TMC2: variants seen among roughly 807,000 people sequenced by gnomAD.
TMC2 encodes the protein transmembrane channel-like protein 2.
In TMC2, 102 loss-of-function variants were observed where a neutral mutation model predicts 105.9. That is an observed-to-expected ratio of 0.96 (90% CI 0.82 to 1.14). The LOEUF (loss-of-function observed/expected upper bound fraction) is 1.14. Among genes scored for constraint, TMC2 ranks in the 50% most tolerant of loss-of-function variants. The pLI, the probability that TMC2 is intolerant of heterozygous loss-of-function variation, is 0.00. For missense variants in TMC2, 1,093 were observed against 1,134.3 expected (o/e 0.96, Z 0.52); for synonymous variants, 402 against 422.8 (o/e 0.95, Z 0.60).
chr20:2,581,526 G>A (rs61698505), intron 7 of TMC2, among the ~76,000 whole-genome samples: 3,094 of 152,290 alleles, frequency 0.02, 115 homozygotes, highest in African/African-American at 0.071. Context: ...GGAAAATATT[G>A]TCAAAAGCTA....
intron 17 of TMC2, among the ~76,000 whole-genome samples, chr20:2,632,448 A>G (rs1180762205): frequency 6.6e-6 from 1 of 152,160 alleles, no homozygotes; most frequent in Non-Finnish European, 1.5e-5. Context: ...ATCATATTTA[A>G]CATAACTGAT....
rs114396252 is a variant in TMC2, at chr20:2,604,122, G to A, written c.1413+1821G>A. On this transcript the variant is annotated intron_variant, in intron 11 of 19. Coordinates refer to ENST00000358864, the MANE Select transcript of TMC2 (RefSeq NM_080751.3). ...GCACTGGCCAGCAGAAGTGGGCATC[G>A]CTGTTTCTCTCTTGCAGAGCTTCCA... is the stretch of plus-strand genomic sequence containing the variant. Among the ~76,000 whole-genome samples the A allele has an allele frequency of 1.6e-4, 24 of 152,314 alleles. No homozygotes were observed. The South Asian group carries it at 3.7e-3, about 24-fold the overall frequency.
Position 2,558,336 on chromosome 20 carries a change from GC to G in TMC2, c.83-116del, listed in dbSNP as rs1369783923. The G allele has an allele frequency of 1.3e-6, 2 of 1,490,552 alleles. No individual in the cohort carries two copies. Among genetic ancestry groups the G allele is most frequent in the African/African-American group, 2.8e-5 (2 of 71,218 alleles). 92.3% of individuals were successfully genotyped at this position (1,490,552 alleles called of 1,614,324 possible). A position where few individuals can be genotyped will look rare whatever the true frequency, so the allele number is the denominator to read the frequency against. On this transcript the variant is annotated intron_variant, in intron 2 of 19. Coordinates refer to ENST00000358864, the MANE Select transcript of TMC2 (RefSeq NM_080751.3). This position sits in a 1 kb window ranked among gnomAD's most constrained non-coding sequence, Gnocchi z 4.6. ...CATACTTTGGGGTGTCCTGTTCTGA[GC>G]CCCGCAGAGCTCACAAGCTCTCGGA...
At chr20:2,638,064 G>A (rs576418269) in intron 19 of TMC2, among the ~76,000 whole-genome samples, 22 of 152,324 alleles carry the variant, frequency 1.4e-4, no homozygotes, top group African/African-American at 2.2e-4. Flanking sequence ...AGTCTAGGCC[G>A]GGCGTGGTGG....
intron 4 of TMC2, among the ~76,000 whole-genome samples, chr20:2,571,792 G>T (rs1040415914): frequency 5.3e-5 from 8 of 152,252 alleles, no homozygotes; most frequent in Admixed American, 2.0e-4. Flanking sequence ...TTGAGCTCAG[G>T]AGGTCAAGAG....
intron 2 of TMC2, among the ~76,000 whole-genome samples, chr20:2,539,567 T>C (rs1169717393): frequency 6.6e-6 from 1 of 152,194 alleles, no homozygotes; most frequent in Non-Finnish European, 1.5e-5. Flanking sequence ...AGCTGATCTT[T>C]ATGGGACCCC....
rs1172017274 is a variant in TMC2 at position 2,558,600 on chromosome 20, G to T, written c.227G>T (p.Arg76Leu). The T allele has an allele frequency of 1.9e-6, 3 of 1,556,468 alleles. No homozygotes were observed. Among genetic ancestry groups the T allele is most frequent in the East Asian group, 2.4e-5 (1 of 41,546 alleles). The part of the protein sequence containing the change: ...PGSPRRKQTG[R>L]RRHREELGEQ... ...TCTCCCCGGAGGAAGCAAACAGGGC[G>T]CAGGAGACACAGAGAAGAGCTGGGG... Residue 76 changes from arginine (R) to leucine (L), a missense_variant, in exon 3 of 20, where the codon CGC becomes CTC. Arg to Leu is a moderately radical substitution (Grantham distance 102). Coordinates refer to ENST00000358864, the MANE Select transcript of TMC2 (RefSeq NM_080751.3). This position sits in a 1 kb window ranked among gnomAD's most constrained non-coding sequence, Gnocchi z 4.6.
At chr20:2,637,146 T>C (rs2086653623) in intron 18 of TMC2, among the ~76,000 whole-genome samples, 1 of 151,714 alleles carries the variant, frequency 6.6e-6, no homozygotes. Flanking sequence ...CCCAGCACTT[T>C]GTGAGGCCGA....
intron 5 of TMC2, among the ~76,000 whole-genome samples, chr20:2,573,717 C>A (rs538882005): frequency 3.4e-5 from 5 of 147,482 alleles, no homozygotes; most frequent in African/African-American, 1.0e-4. Context: ...CCCGCCACCA[C>A]GCCCGGCTAA....
At chr20:2,565,811 G>A (rs552200629) in intron 4 of TMC2, among the ~76,000 whole-genome samples, 46 of 152,134 alleles carry the variant, frequency 3.0e-4, no homozygotes, top group African/African-American at 9.6e-4. Flanking sequence ...AGGCTGAGGC[G>A]GGCAGATCAC....
chr20:2,572,345 T>A lies in TMC2; in HGVS notation c.645+76T>A. The A allele has an allele frequency of 5.1e-6, 6 of 1,173,488 alleles. No individual in the cohort carries two copies. The South Asian group carries it at 6.3e-5, about 12-fold the overall frequency. The allele number at this position is 1,173,488 out of a possible 1,614,324, so 72.7% of individuals were successfully genotyped here. On this transcript the variant is annotated intron_variant, in intron 5 of 19. Transcript: ENST00000358864. ...GAATCTGGCGACCAACTTCGGCAAC[T>A]GCCCAGCTTCGCCATTTGTGTCCAG...
In TMC2 at chr20:2,580,096, G is replaced by A. The variant is rs144051735; in HGVS notation, c.834+40G>A. The A allele has an allele frequency of 1.1e-5, 14 of 1,257,906 alleles. No individual in the cohort carries two copies. In the East Asian group the frequency reaches 3.3e-4, roughly 30 times the overall value. 77.9% of individuals were successfully genotyped at this position (1,257,906 alleles called of 1,614,324 possible). A position where few individuals can be genotyped will look rare whatever the true frequency, so the allele number is the denominator to read the frequency against. ...TCCTAAATCTTTGGATAGAGTTAAG[G>A]CTTATGACCACCGTCATCAATTATC... On this transcript the variant is annotated intron_variant, in intron 7 of 19. Coordinates refer to ENST00000358864, the MANE Select transcript of TMC2 (RefSeq NM_080751.3).
intron 7 of TMC2, among the ~76,000 whole-genome samples, chr20:2,581,518 A>G (rs1600111520): frequency 6.6e-6 from 1 of 152,202 alleles, no homozygotes; most frequent in Non-Finnish European, 1.5e-5. Context: ...CCCCAGGGGG[A>G]AAATATTGTC....
In TMC2 at chr20:2,616,293, G is replaced by A; in HGVS notation, c.1940+89G>A. 9.5e-7 allele frequency: 1 copy of A among 1,052,812 alleles called. No individual in the cohort carries two copies. Among genetic ancestry groups the A allele is most frequent in the South Asian group, 1.3e-5 (1 of 79,142 alleles). The allele number at this position is 1,052,812 out of a possible 1,614,324, so 65.2% of individuals were successfully genotyped here. A position where few individuals can be genotyped will look rare whatever the true frequency, so the allele number is the denominator to read the frequency against. On this transcript the variant is annotated intron_variant, in intron 15 of 19. Transcript: ENST00000358864. The surrounding 1 kb of genome is among the most constrained non-coding windows in gnomAD (Gnocchi z 4.8). ...CTTTGCAACTTAACTAGTTGGAAGA[G>A]GCTAGATAAGTCCTCTTGCCTCTCT...
intron 2 of TMC2, among the ~76,000 whole-genome samples, chr20:2,543,315 G>A (rs1157184205): frequency 6.6e-6 from 1 of 152,176 alleles, no homozygotes; most frequent in Non-Finnish European, 1.5e-5. Context: ...CCCACAACCT[G>A]TTGATAAGAC....
chr20:2,628,550 A>G (rs1371322457), intron 17 of TMC2, among the ~76,000 whole-genome samples: 3 of 152,072 alleles, frequency 2.0e-5, no homozygotes, highest in African/African-American at 7.2e-5. Context: ...TAATTGGTTC[A>G]TGGAGGCAGT....
At chr20:2,623,575 CA>C (rs2086541466) in intron 16 of TMC2, among the ~76,000 whole-genome samples, 1 of 151,642 alleles carries the variant, frequency 6.6e-6, no homozygotes, top group Admixed American at 6.6e-5. Context: ...AATAATTGTC[CA>C]CGTGTCTCAC....
At chr20:2,576,176 T>C (rs1263654396) in intron 5 of TMC2, among the ~76,000 whole-genome samples, 1 of 152,174 alleles carries the variant, frequency 6.6e-6, no homozygotes, top group East Asian at 1.9e-4. Flanking sequence ...CCACCATGAC[T>C]TGAAACTTTT....
chr20:2,544,051 G>A (rs915329610), intron 2 of TMC2, among the ~76,000 whole-genome samples: 9 of 148,514 alleles, frequency 6.1e-5, no homozygotes, highest in South Asian at 2.2e-4. Flanking sequence ...ACAGGCGCTC[G>A]CCACCATGCC....
Sources: allele counts gnomAD v4.1 joint callset (sites outside exome capture counted in the v4.1 genomes callset), GRCh38; gene constraint gnomAD v4.1.1; non-coding constraint Gnocchi (gnomAD v3.1); transcripts MANE v1.5; gene names NCBI Gene and HGNC (gene_info 2026-07-23, HGNC 2026-07-21).